The following CHCHD6 variants were observed in gnomAD, a reference collection of about 807,000 sequenced individuals.
The protein encoded by CHCHD6 is coiled-coil-helix-coiled-coil-helix domain containing 6, also known as MICOS complex subunit MIC25.
Under a neutral mutation model 32.3 loss-of-function variants are expected in CHCHD6, and 28 were observed. The ratio of observed to expected loss-of-function variants is 0.87; its 90% CI spans 0.64 to 1.19. CHCHD6 has a LOEUF of 1.19. Among genes scored for constraint, CHCHD6 ranks in the 50% most tolerant of loss-of-function variants. The pLI, the probability that CHCHD6 is intolerant of heterozygous loss-of-function variation, is 0.00. For missense variants in CHCHD6, 333 were observed against 307.0 expected, an observed-to-expected ratio of 1.08 and a Z score of -0.63; for synonymous variants, 122 against 117.5, an observed-to-expected ratio of 1.04 and a Z score of -0.25.
intron 1 of CHCHD6, among the ~76,000 whole-genome samples, chr3:126,722,646 A>G (rs1935361059): frequency 6.6e-6 from 1 of 152,088 alleles, no homozygotes; most frequent in Non-Finnish European, 1.5e-5. Flanking sequence ...TTTAAGTAGG[A>G]TTATTTTTCA....
At chr3:126,779,535 C>CAA (rs11288509) in intron 4 of CHCHD6, among the ~76,000 whole-genome samples, 135 of 77,828 alleles carry the variant, frequency 1.7e-3, no homozygotes, top group East Asian at 2.6e-3. Context: ...GACTCCATCT[C>CAA]AAAAAAAAAA....
chr3:126,957,691 G>C (rs1006815071), intron 7 of CHCHD6, 140 bp downstream of exon 7: 20 of 1,086,420 alleles, frequency 1.8e-5, no homozygotes, highest in Non-Finnish European at 2.7e-5. Context: ...TTTGCCAAGG[G>C]AGGGATTCTT....
At chr3:126,738,167 GT>G (rs1411858560) in intron 4 of CHCHD6, among the ~76,000 whole-genome samples, 1 of 152,142 alleles carries the variant, frequency 6.6e-6, no homozygotes, top group Non-Finnish European at 1.5e-5. Flanking sequence ...GATGCTCCAG[GT>G]AGCTGCCACC....
At chr3:126,812,387 T>C (rs531445278) in intron 4 of CHCHD6, among the ~76,000 whole-genome samples, 1 of 151,730 alleles carries the variant, frequency 6.6e-6, no homozygotes, top group African/African-American at 2.4e-5. Flanking sequence ...TTTTCTGGCT[T>C]CTAGTATAAC....
At chr3:126,816,560 G>C (rs1419173636) in intron 4 of CHCHD6, among the ~76,000 whole-genome samples, 3 of 152,136 alleles carry the variant, frequency 2.0e-5, no homozygotes, top group African/African-American at 7.2e-5. Context: ...GTATGGGCCC[G>C]AGGGACTACA....
At chr3:126,784,289 C>T (rs954712695) in intron 4 of CHCHD6, among the ~76,000 whole-genome samples, 1 of 152,190 alleles carries the variant, frequency 6.6e-6, no homozygotes, top group Non-Finnish European at 1.5e-5. Flanking sequence ...GCTCTTCGTG[C>T]TCTCTTTCCT....
chr3:126,775,830 C>A (rs560871329), intron 4 of CHCHD6, among the ~76,000 whole-genome samples: 3 of 152,300 alleles, frequency 2.0e-5, no homozygotes, highest in African/African-American at 7.2e-5. Flanking sequence ...CAGAACTGTT[C>A]CGGTAAAGGA....
At chr3:126,957,154 T>C (rs2107610688) in intron 6 of CHCHD6, 1 of 541,244 alleles carries the variant, frequency 1.8e-6, no homozygotes, top group South Asian at 2.1e-5. Flanking sequence ...AGGAGCCCGG[T>C]GTGGAGCCCC....
intron 6 of CHCHD6, among the ~76,000 whole-genome samples, chr3:126,930,359 G>A (rs1008595607): frequency 1.3e-5 from 2 of 152,104 alleles, no homozygotes; most frequent in Admixed American, 6.5e-5. Flanking sequence ...TCCCATTCTC[G>A]AGAATTCTGT....
At chr3:126,796,424 G>A (rs1196663404) in intron 4 of CHCHD6, among the ~76,000 whole-genome samples, 2 of 152,180 alleles carry the variant, frequency 1.3e-5, no homozygotes, top group African/African-American at 4.8e-5. Flanking sequence ...GGGATTGCCT[G>A]CTCACCTCTC....
At chr3:126,835,419 A>T (rs1173366418) in intron 4 of CHCHD6, among the ~76,000 whole-genome samples, 2 of 152,180 alleles carry the variant, frequency 1.3e-5, no homozygotes, top group East Asian at 1.9e-4. Flanking sequence ...ACGGCTCTCC[A>T]GAGAACCTTT....
chr3:126,844,201 G>A (rs1466728597), intron 4 of CHCHD6, among the ~76,000 whole-genome samples: 1 of 152,168 alleles, frequency 6.6e-6, no homozygotes, highest in African/African-American at 2.4e-5. Context: ...GTTGTTAGAT[G>A]TAGTGTTGTA....
chr3:126,913,578 G>T (rs1377841626), intron 5 of CHCHD6, among the ~76,000 whole-genome samples: 3 of 152,128 alleles, frequency 2.0e-5, no homozygotes, highest in Non-Finnish European at 4.4e-5. Flanking sequence ...GGTGACATCT[G>T]CTGTACCTTC....
chr3:126,907,770 G>T (rs1383480855), intron 5 of CHCHD6, among the ~76,000 whole-genome samples: 1 of 152,174 alleles, frequency 6.6e-6, no homozygotes, highest in Non-Finnish European at 1.5e-5. Context: ...CACTAATTTT[G>T]CTGGGAATCT....
At chr3:126,757,404 G>T (rs1262888966) in intron 4 of CHCHD6, among the ~76,000 whole-genome samples, 1 of 152,274 alleles carries the variant, frequency 6.6e-6, no homozygotes, top group East Asian at 1.9e-4. Flanking sequence ...TGAGGTGGTG[G>T]TGGGGCAGGG....
chr3:126,892,016 G>A (rs761526726), intron 5 of CHCHD6, among the ~76,000 whole-genome samples: 2 of 152,176 alleles, frequency 1.3e-5, no homozygotes, highest in Non-Finnish European at 2.9e-5. Context: ...GGCAGACATC[G>A]CAGGGGCCTT....
chr3:126,817,984 CTT>C (rs1939981577), intron 4 of CHCHD6, among the ~76,000 whole-genome samples: 1 of 152,206 alleles, frequency 6.6e-6, no homozygotes. Context: ...ACCCAGCTGT[CTT>C]TGCACAGTTT....
At chr3:126,766,990 A>G (rs1303294553) in intron 4 of CHCHD6, 3 of 871,320 alleles carry the variant, frequency 3.4e-6, no homozygotes, top group East Asian at 4.8e-5. Flanking sequence ...GCCACAGGCT[A>G]CGTCTCACAC....
intron 5 of CHCHD6, among the ~76,000 whole-genome samples, chr3:126,857,184 T>C (rs1187208982): frequency 1.3e-5 from 2 of 152,116 alleles, no homozygotes; most frequent in Non-Finnish European, 2.9e-5. Flanking sequence ...GGAAGGGAGA[T>C]GCCGAGGATT....
Sources: allele counts gnomAD v4.1 joint callset (sites outside exome capture counted in the v4.1 genomes callset), GRCh38; gene constraint gnomAD v4.1.1; transcripts MANE v1.5; gene names NCBI Gene and HGNC (gene_info 2026-07-23, HGNC 2026-07-21).